TCN2: variants seen among roughly 807,000 people sequenced by gnomAD.
TCN2 encodes the protein transcobalamin-2.
TCN2 carries 34 observed loss-of-function variants against 48.6 expected under a neutral mutation model. The observed-to-expected ratio is 0.70, with a 90% CI of 0.53 to 0.93. TCN2 has a LOEUF of 0.93. TCN2 is among the 40% of genes least tolerant of loss of function. The pLI, the probability that TCN2 is intolerant of heterozygous loss-of-function variation, is 0.00. For missense variants in TCN2, 652 were observed against 526.1 expected (o/e 1.24, Z -2.34); for synonymous variants, 283 against 212.5 (o/e 1.33, Z -2.89).
intron 3 of TCN2, among the ~76,000 whole-genome samples, chr22:30,613,421 A>G (rs2087569529): frequency 6.6e-6 from 1 of 152,170 alleles, no homozygotes; most frequent in South Asian, 2.1e-4. Context: ...CTGGGATTAC[A>G]GGCATGCGCC....
Position 30,623,965 on chromosome 22 carries a change from C to CACACACATATATGTATACATATAT in TCN2, c.1222+894_1222+895insGTATACATATATACACACATATAT, listed in dbSNP as rs2087758839. 2.0e-3 allele frequency among the ~76,000 whole-genome samples: 38 copies of CACACACATATATGTATACATATAT among 18,556 alleles called. 11 individuals carry two copies. Among genetic ancestry groups the CACACACATATATGTATACATATAT allele is most frequent in the East Asian group, 4.1e-3 (5 of 1,216 alleles). 12.2% of individuals were successfully genotyped at this position (18,556 alleles called of 152,430 possible). ...ACACACACATATGTATACATATATA[C>CACACACATATATGTATACATATAT]ACACACATATATATGTATACATATA... On this transcript the variant is annotated intron_variant, in intron 8 of 8. Transcript: ENST00000215838.
Position 30,617,788 on chromosome 22 carries a change from G to T in TCN2, c.1106+293G>T, listed in dbSNP as rs184897807. ...CCACAATTCACCGAGGAGAACAGTT[G>T]TGCCCCTTCCCTGCAGGGCCAGTGT... On this transcript the variant is annotated intron_variant, in intron 7 of 8. Coordinates refer to ENST00000215838, the MANE Select transcript of TCN2 (RefSeq NM_000355.4). 159 of 458,946 alleles carry T rather than the reference G, an allele frequency of 3.5e-4. 1 individual carries two copies. The highest frequency in any genetic ancestry group is 2.3e-3 in the African/African-American group (115 of 50,572). 28.4% of individuals were successfully genotyped at this position (458,946 alleles called of 1,614,324 possible).
chr22:30,614,581 G>A, intron 4 of TCN2, 80 bp downstream of exon 4: 1 of 1,581,830 alleles, frequency 6.3e-7, no homozygotes, highest in Non-Finnish European at 8.6e-7. Context: ...CCATACCCTG[G>A]CCCCCACACT....
chr22:30,613,821 T>A (rs922506510), intron 3 of TCN2, among the ~76,000 whole-genome samples: 1 of 151,996 alleles, frequency 6.6e-6, no homozygotes, highest in African/African-American at 2.4e-5. Context: ...ACCCTTACCT[T>A]CTGCCCAGGC....
At chr22:30,610,121 G>A (rs2087513671) in intron 1 of TCN2, 3 of 453,866 alleles carry the variant, frequency 6.6e-6, no homozygotes, top group South Asian at 4.9e-5. Context: ...GAGTGTTTGA[G>A]TATTTTCGTT....
At position 30,611,075 on chromosome 22, in the gene TCN2, C is replaced by A; in HGVS notation, c.257+12C>A. 6.2e-7 allele frequency: 1 copy of A among 1,613,778 alleles called. No individual in the cohort carries two copies. The highest frequency in any genetic ancestry group is 8.5e-7 in the Non-Finnish European group (1 of 1,179,832). ...CAGTGCCTCCTAGGGTATTGCCACACTCTCTTTTTCCATGTCTTGCTCCAC... is the reference window on the plus strand; with the variant it reads ...CAGTGCCTCCTAGGGTATTGCCACAATCTCTTTTTCCATGTCTTGCTCCAC... On this transcript the variant is annotated intron_variant, in intron 2 of 8. Transcript: ENST00000215838.
At chr22:30,625,336 C>T in intron 8 of TCN2, among the ~76,000 whole-genome samples, 1 of 152,146 alleles carries the variant, frequency 6.6e-6, no homozygotes, top group Middle Eastern at 3.4e-3. Flanking sequence ...TCTGGTGTTA[C>T]CTGCTGGCTG....
intron 3 of TCN2, 25 bp downstream of exon 3, chr22:30,613,067 G>T (rs1469929283): frequency 6.2e-7 from 1 of 1,612,924 alleles, no homozygotes; most frequent in South Asian, 1.1e-5. Context: ...TCCGCTGGGG[G>T]TGGGGAGCAG....
chr22:30,625,802 T>A (rs2087799169), intron 8 of TCN2, among the ~76,000 whole-genome samples: 1 of 152,118 alleles, frequency 6.6e-6, no homozygotes, highest in African/African-American at 2.4e-5. Flanking sequence ...GAGGCTCTAC[T>A]CTCATGACCT....
intron 3 of TCN2, among the ~76,000 whole-genome samples, chr22:30,613,358 C>A (rs2087568854): frequency 2.0e-5 from 3 of 152,220 alleles, no homozygotes; most frequent in African/African-American, 7.2e-5. Context: ...CAGCTCACCG[C>A]AATCTCTGCC....
At chr22:30,618,678 C>CT (rs1339448062) in intron 7 of TCN2, among the ~76,000 whole-genome samples, 6 of 151,884 alleles carry the variant, frequency 4.0e-5, no homozygotes, top group South Asian at 2.1e-4. Context: ...AGGTCTCTCT[C>CT]TGTTATCCAG....
intron 7 of TCN2, among the ~76,000 whole-genome samples, chr22:30,621,431 T>C (rs2087697864): frequency 6.6e-6 from 1 of 152,042 alleles, no homozygotes; most frequent in African/African-American, 2.4e-5. Context: ...TCACCTCCTT[T>C]TCAGTCATTT....
In TCN2 at chr22:30,621,607, T is replaced by C. The variant is rs370123453; in HGVS notation, c.1107-1361T>C. Among the ~76,000 whole-genome samples the C allele has an allele frequency of 3.5e-4, 53 of 152,252 alleles. No homozygotes were observed. In the East Asian group the frequency reaches 8.7e-3, roughly 25 times the overall value. On this transcript the variant is annotated intron_variant, in intron 7 of 8. Coordinates refer to ENST00000215838, the MANE Select transcript of TCN2 (RefSeq NM_000355.4). Reference sequence around the variant, plus strand: ...AAGTGATTCTCCTGCCTCAGTCTCCTGAATAGCTGGGATTACAGGTGTGCA... The same window carrying C: ...AAGTGATTCTCCTGCCTCAGTCTCCCGAATAGCTGGGATTACAGGTGTGCA...
intron 7 of TCN2, among the ~76,000 whole-genome samples, chr22:30,622,543 C>T (rs558086526): frequency 4.6e-5 from 7 of 152,288 alleles, no homozygotes; most frequent in Admixed American, 2.0e-4. Context: ...GTGCCACTGC[C>T]AGGTGTCTCT....
intron 8 of TCN2, among the ~76,000 whole-genome samples, chr22:30,624,867 G>T (rs150695358): frequency 1.3e-5 from 2 of 152,200 alleles, no homozygotes; most frequent in African/African-American, 4.8e-5. Flanking sequence ...GTTCTCTTTT[G>T]TCTTAGTCCA....
chr22:30,608,124 A>G (rs1019227664), intron 1 of TCN2, among the ~76,000 whole-genome samples: 2 of 152,184 alleles, frequency 1.3e-5, no homozygotes, highest in Non-Finnish European at 2.9e-5. Context: ...TCCTTCAGAC[A>G]GGAGGCAGAA....
chr22:30,626,632 CT>C lies in TCN2; in HGVS notation c.*114del, dbSNP rs1316656714. The C allele has an allele frequency of 3.2e-5, 40 of 1,234,538 alleles. No individual in the cohort carries two copies. Among genetic ancestry groups the C allele is most frequent in the Middle Eastern group, 2.6e-4 (1 of 3,854 alleles). The allele number at this position is 1,234,538 out of a possible 1,614,324, so 76.5% of individuals were successfully genotyped here. A position where few individuals can be genotyped will look rare whatever the true frequency, so the allele number is the denominator to read the frequency against. On this transcript the variant is annotated 3_prime_UTR_variant, in exon 9 of 9. Coordinates refer to ENST00000215838, the MANE Select transcript of TCN2 (RefSeq NM_000355.4). The stretch of plus-strand genomic sequence containing the variant: ...TGACCCTGCTGCCACCTCCTGTGCA[CT>C]TTGAGCAATGCCCCCTGGGATCACC...
In TCN2 at chr22:30,616,439, G is replaced by A. The variant is rs1175163859; in HGVS notation, c.940+652G>A. 4.8e-5 allele frequency among the ~76,000 whole-genome samples: 7 copies of A among 146,614 alleles called. No homozygotes were observed. The South Asian group carries it at 1.1e-3, about 22-fold the overall frequency. ...AGAGGTGGAGGTTGCAGTGAGCCAAGATCATGCCACTGCACTCCAGTCTGG... is the reference window on the plus strand; with the variant it reads ...AGAGGTGGAGGTTGCAGTGAGCCAAAATCATGCCACTGCACTCCAGTCTGG... On this transcript the variant is annotated intron_variant, in intron 6 of 8. Transcript: ENST00000215838.
At position 30,617,431 on chromosome 22, in the gene TCN2, T is replaced by C; in HGVS notation, c.1042T>C (p.Ser348Pro). The C allele has an allele frequency of 6.2e-7, 1 of 1,614,048 alleles. No homozygotes were observed. ...CTTGCCGCCGTACAGACAGTCCATC[T>C]CTGTTCTGGCCGGGTCCACCGTGGA... The part of the protein sequence containing the change: ...SLLPPYRQSI[S>P]VLAGSTVEDV... The change falls in exon 7 of 9, where the codon TCT becomes CCT. Residue 348 changes from serine to proline, a missense_variant. Ser to Pro is a moderately conservative substitution (Grantham distance 74). Transcript: ENST00000215838.
Sources: gnomAD v4.1 joint callset for allele counts (sites outside exome capture counted in the v4.1 genomes callset) on GRCh38, gnomAD v4.1.1 for gene constraint, MANE v1.5 for transcripts, NCBI Gene and HGNC (gene_info 2026-07-23, HGNC 2026-07-21) for gene names.